Variants in CCR3 observed in about 807,000 individuals in gnomAD.
The protein encoded by CCR3 is C-C chemokine receptor type 3.
For synonymous variants in CCR3, 203 were observed against 179.2 expected, an observed-to-expected ratio of 1.13 and a Z score of -1.06; for missense variants, 419 against 437.5, an observed-to-expected ratio of 0.96 and a Z score of 0.38.
chr3:46,251,319 C>T (rs41456447), intron 1 of CCR3, among the ~76,000 whole-genome samples: 65,293 of 151,830 alleles, frequency 0.43, 15,126 homozygotes, highest in East Asian at 0.64. Context: ...TAAAAGGTGT[C>T]TCCTTTGTCT....
chr3:46,231,150 C>T (rs1009425371), intron 2 of CCR3, among the ~76,000 whole-genome samples: 20 of 152,204 alleles, frequency 1.3e-4, no homozygotes, highest in African/African-American at 4.6e-4. Flanking sequence ...GTCTCGATCT[C>T]TTAACCTCAT....
intron 2 of CCR3, among the ~76,000 whole-genome samples, chr3:46,221,511 C>T (rs1364095076): frequency 6.6e-6 from 1 of 152,196 alleles, no homozygotes; most frequent in African/African-American, 2.4e-5. Context: ...CCCAATCCTT[C>T]ACAAAGAGAG....
intron 1 of CCR3, chr3:46,264,842 TCCTG>T: frequency 4.9e-6 from 2 of 406,766 alleles, no homozygotes; most frequent in African/African-American, 2.1e-5. Context: ...GCCTGTTTTT[TCCTG>T]TTTTGTATTT....
chr3:46,229,433 G>T (rs1479141355), intron 2 of CCR3, among the ~76,000 whole-genome samples: 1 of 152,104 alleles, frequency 6.6e-6, no homozygotes, highest in African/African-American at 2.4e-5. Flanking sequence ...ACCTTGAAGT[G>T]GGATGCTGAC....
At chr3:46,242,667 A>T (rs1431319476) in intron 1 of CCR3, 129 bp downstream of exon 1, 3 of 152,036 alleles carry the variant, frequency 2.0e-5, no homozygotes, top group African/African-American at 7.3e-5. Flanking sequence ...ATTTAGAGGT[A>T]GTATGGGGCC....
At chr3:46,246,300 A>C (rs978069977) in intron 1 of CCR3, among the ~76,000 whole-genome samples, 1 of 152,184 alleles carries the variant, frequency 6.6e-6, no homozygotes, top group Non-Finnish European at 1.5e-5. Context: ...TGAAGAGACC[A>C]CCAAACAGGC....
chr3:46,263,095 G>A (rs113815131), intron 1 of CCR3, among the ~76,000 whole-genome samples: 38 of 152,236 alleles, frequency 2.5e-4, no homozygotes, highest in African/African-American at 8.2e-4. Context: ...CAAACCAAAA[G>A]GTTCTATGGT....
At chr3:46,224,713 G>C (rs1699873604) in intron 2 of CCR3, among the ~76,000 whole-genome samples, 1 of 143,200 alleles carries the variant, frequency 7.0e-6, no homozygotes, top group East Asian at 2.0e-4. Context: ...CTCCAGCCTG[G>C]GCAACAGAGC....
intron 1 of CCR3, among the ~76,000 whole-genome samples, chr3:46,257,243 C>G (rs1482891653): frequency 6.6e-6 from 1 of 152,062 alleles, no homozygotes; most frequent in Non-Finnish European, 1.5e-5. Flanking sequence ...ACTTGCTGCA[C>G]TTGTATTTGG....
intron 2 of CCR3, among the ~76,000 whole-genome samples, chr3:46,234,313 A>T (rs1210577727): frequency 6.6e-6 from 1 of 152,062 alleles, no homozygotes; most frequent in East Asian, 1.9e-4. Context: ...ATGTATTGGG[A>T]TGGATTCATT....
rs1434350316 is a variant in CCR3 at position 46,266,548 on chromosome 3, T to C, written c.*322T>C. ...ATGCCGCTACAAAAAGGTAAAACTTTTTATATTTTATACATTAACTTCAGC... is the reference window on the plus strand; with the variant it reads ...ATGCCGCTACAAAAAGGTAAAACTTCTTATATTTTATACATTAACTTCAGC... On this transcript the variant is annotated 3_prime_UTR_variant, in exon 2 of 2. Transcript: ENST00000395940. 4.2e-6 allele frequency: 1 copy of C among 238,902 alleles called. No individual in the cohort carries two copies. Among genetic ancestry groups the C allele is most frequent in the Non-Finnish European group, 8.6e-6 (1 of 116,300 alleles). 14.8% of individuals were successfully genotyped at this position (238,902 alleles called of 1,614,324 possible). A position where few individuals can be genotyped will look rare whatever the true frequency, so the allele number is the denominator to read the frequency against.
intron 2 of CCR3, among the ~76,000 whole-genome samples, chr3:46,230,633 G>A (rs1699953220): frequency 6.6e-6 from 1 of 152,146 alleles, no homozygotes; most frequent in Admixed American, 6.5e-5. Flanking sequence ...TCACTGAAGA[G>A]TTTGAACAAG....
At chr3:46,215,233 A>T (rs560028139) in intron 2 of CCR3, among the ~76,000 whole-genome samples, 279 of 152,302 alleles carry the variant, frequency 1.8e-3, no homozygotes, top group Non-Finnish European at 3.3e-3. Flanking sequence ...ACAGCTATTA[A>T]GCATGTGTTC....
chr3:46,257,411 C>A (rs994863601), intron 1 of CCR3, among the ~76,000 whole-genome samples: 4 of 144,514 alleles, frequency 2.8e-5, no homozygotes, highest in Non-Finnish European at 4.5e-5. Flanking sequence ...ACCTCATACA[C>A]TTAGCTTGTC....
chr3:46,226,056 T>C (rs1699891135), intron 2 of CCR3, among the ~76,000 whole-genome samples: 1 of 152,222 alleles, frequency 6.6e-6, no homozygotes, highest in Non-Finnish European at 1.5e-5. Context: ...TCTCTGCCAA[T>C]ATCACTCTAT....
At chr3:46,231,728 T>C (rs1375787510) in intron 2 of CCR3, among the ~76,000 whole-genome samples, 1 of 152,234 alleles carries the variant, frequency 6.6e-6, no homozygotes. Flanking sequence ...TATATTTCTC[T>C]CCAAACTCAT....
At chr3:46,221,349 A>AC (rs1699834934) in intron 2 of CCR3, among the ~76,000 whole-genome samples, 1 of 152,356 alleles carries the variant, frequency 6.6e-6, no homozygotes, top group South Asian at 2.1e-4. Context: ...ACAGCAACAA[A>AC]TACTGTATCT....
At chr3:46,227,926 T>C (rs559888395) in intron 2 of CCR3, among the ~76,000 whole-genome samples, 3 of 152,320 alleles carry the variant, frequency 2.0e-5, no homozygotes, top group Admixed American at 2.0e-4. Context: ...CTGCATATGG[T>C]TTATCTCGGT....
At chr3:46,260,380 A>G (rs1210173553) in intron 1 of CCR3, among the ~76,000 whole-genome samples, 4 of 152,236 alleles carry the variant, frequency 2.6e-5, no homozygotes, top group Non-Finnish European at 5.9e-5. Flanking sequence ...ATCTCATCTG[A>G]GACAAGGCAA....
Sources: allele counts gnomAD v4.1 joint callset (sites outside exome capture counted in the v4.1 genomes callset), GRCh38; gene constraint gnomAD v4.1.1; transcripts MANE v1.5; gene names NCBI Gene and HGNC (gene_info 2026-07-23, HGNC 2026-07-21).